GYPC: variants seen among roughly 807,000 people sequenced by gnomAD.
The protein encoded by GYPC is glycophorin-C.
In GYPC, 14 loss-of-function variants were observed where a neutral mutation model predicts 12.6. The ratio of observed to expected loss-of-function variants is 1.11; its 90% CI spans 0.74 to 1.74. The LOEUF is 1.74. Among genes scored for constraint, GYPC ranks in the 40% most tolerant of loss-of-function variants. GYPC has a pLI of 0.00. For synonymous variants in GYPC, 78 were observed against 62.1 expected (o/e 1.26, Z -1.20); for missense variants, 225 against 172.1 (o/e 1.31, Z -1.72).
At chr2:126,694,963 T>A (rs1262222282) in intron 3 of GYPC, among the ~76,000 whole-genome samples, 3 of 152,120 alleles carry the variant, frequency 2.0e-5, no homozygotes, top group Non-Finnish European at 4.4e-5. Context: ...CCAGCAGAAG[T>A]GAGGGGTGAC....
intron 1 of GYPC, chr2:126,678,752 AGCACG>A (rs1683080506): frequency 6.6e-6 from 1 of 152,296 alleles, no homozygotes; most frequent in Admixed American, 6.5e-5. Context: ...CTCCTGGGGA[AGCACG>A]GCTATCTGCC....
chr2:126,691,217 A>C (rs1395351698), intron 2 of GYPC, among the ~76,000 whole-genome samples: 1 of 152,248 alleles, frequency 6.6e-6, no homozygotes, highest in African/African-American at 2.4e-5. Context: ...TTCTAAGAAA[A>C]GACAGAGGCT....
At chr2:126,683,397 C>T (rs1683202171) in intron 1 of GYPC, among the ~76,000 whole-genome samples, 1 of 152,112 alleles carries the variant, frequency 6.6e-6, no homozygotes, top group South Asian at 2.1e-4. Flanking sequence ...GTCCTCTCCC[C>T]AGTGGTGGAC....
At chr2:126,684,469 C>G (rs1246966340) in intron 1 of GYPC, among the ~76,000 whole-genome samples, 1 of 152,094 alleles carries the variant, frequency 6.6e-6, no homozygotes, top group African/African-American at 2.4e-5. Flanking sequence ...TTCATGTATC[C>G]CTCCCACCAC....
chr2:126,688,955 T>A (rs893687032), intron 1 of GYPC, among the ~76,000 whole-genome samples: 2 of 152,206 alleles, frequency 1.3e-5, no homozygotes, highest in Non-Finnish European at 2.9e-5. Context: ...ATGTTAATGC[T>A]GATATTTCTG....
intron 1 of GYPC, among the ~76,000 whole-genome samples, chr2:126,662,666 T>C (rs1396130401): frequency 1.3e-5 from 2 of 152,202 alleles, no homozygotes; most frequent in Non-Finnish European, 2.9e-5. Context: ...CTCATGTTTT[T>C]ATTTTGCACT....
At position 126,693,871 on chromosome 2, in the gene GYPC, T is replaced by C. The variant is rs918639317; in HGVS notation, c.114T>C (p.Asp38=). The C allele has an allele frequency of 1.2e-6, 2 of 1,608,070 alleles. No homozygotes were observed. Among genetic ancestry groups the C allele is most frequent in the East Asian group, 4.5e-5 (2 of 44,846 alleles). Reference sequence around the variant, plus strand: ...CTTGTCCTCTGTTCACAGAGCCTGATCCAGGGATGTCTGGATGGCCGGATG... The same window carrying C: ...CTTGTCCTCTGTTCACAGAGCCTGACCCAGGGATGTCTGGATGGCCGGATG... ...TMHTTTIAEP[D]PGMSGWPDGR... The change falls in exon 3 of 4, where the codon GAT becomes GAC. Residue 38 remains aspartate (D), a synonymous_variant. Transcript: ENST00000259254.
chr2:126,686,716 C>T, intron 1 of GYPC: 1 of 984,800 alleles, frequency 1.0e-6, no homozygotes, highest in Non-Finnish European at 1.2e-6. Context: ...AAGTAGGATG[C>T]TTGGGTCTTT....
At chr2:126,683,826 G>T (rs1683214284) in intron 1 of GYPC, among the ~76,000 whole-genome samples, 1 of 152,220 alleles carries the variant, frequency 6.6e-6, no homozygotes, top group African/African-American at 2.4e-5. Flanking sequence ...ATAAGGAAGA[G>T]ATGTCCTTTC....
intron 1 of GYPC, among the ~76,000 whole-genome samples, chr2:126,681,866 G>A (rs770191364): frequency 1.1e-4 from 16 of 152,020 alleles, no homozygotes; most frequent in Non-Finnish European, 1.8e-4. Context: ...CATGAGTATC[G>A]TCACTGAGGG....
intron 1 of GYPC, among the ~76,000 whole-genome samples, chr2:126,672,539 T>A (rs1682880185): frequency 1.3e-5 from 2 of 152,130 alleles, no homozygotes; most frequent in South Asian, 4.1e-4. Context: ...GTGGGTCCCC[T>A]GTCCCCTCAG....
chr2:126,675,747 C>G (rs1335457055), intron 1 of GYPC: 1 of 910,890 alleles, frequency 1.1e-6, no homozygotes, highest in Non-Finnish European at 1.3e-6. Flanking sequence ...CTCACCCAAG[C>G]AGGTGAGTAA....
At chr2:126,681,770 A>C (rs1683154358) in intron 1 of GYPC, among the ~76,000 whole-genome samples, 3 of 126,256 alleles carry the variant, frequency 2.4e-5, no homozygotes, top group African/African-American at 6.0e-5. Context: ...CAGAGCAAAA[A>C]CTTCATCCAA....
chr2:126,656,872 A>C (rs1016375420), intron 1 of GYPC, among the ~76,000 whole-genome samples: 4 of 152,108 alleles, frequency 2.6e-5, no homozygotes, highest in Non-Finnish European at 5.9e-5. Context: ...TCTCTTTTAA[A>C]CCATCACGTT....
chr2:126,676,804 A>G (rs984941059), intron 1 of GYPC, among the ~76,000 whole-genome samples: 1 of 152,180 alleles, frequency 6.6e-6, no homozygotes, highest in Non-Finnish European at 1.5e-5. Flanking sequence ...TTTTCTCCCT[A>G]AGCACAGAGA....
intron 1 of GYPC, among the ~76,000 whole-genome samples, chr2:126,685,487 T>C (rs913515740): frequency 6.6e-6 from 1 of 151,906 alleles, no homozygotes. Context: ...CAGGTTCAAG[T>C]GATTCTCCTG....
chr2:126,686,754 C>T (rs865894698), intron 1 of GYPC: 2 of 921,936 alleles, frequency 2.2e-6, no homozygotes, highest in African/African-American at 3.6e-5. Context: ...TCATGTCTGT[C>T]CAATCGTTGT....
chr2:126,664,458 T>C (rs1329169027), intron 1 of GYPC, among the ~76,000 whole-genome samples: 1 of 152,108 alleles, frequency 6.6e-6, no homozygotes, highest in Non-Finnish European at 1.5e-5. Flanking sequence ...CCCCTCTACA[T>C]TGAAAGCTCA....
At chr2:126,677,711 G>C (rs537648624) in intron 1 of GYPC, among the ~76,000 whole-genome samples, 1 of 152,076 alleles carries the variant, frequency 6.6e-6, no homozygotes, top group African/African-American at 2.4e-5. Flanking sequence ...CGCTAGGGAT[G>C]AGCACACGAG....
Sources: gnomAD v4.1 joint callset for allele counts (sites outside exome capture counted in the v4.1 genomes callset) on GRCh38, gnomAD v4.1.1 for gene constraint, MANE v1.5 for transcripts, NCBI Gene and HGNC (gene_info 2026-07-23, HGNC 2026-07-21) for gene names.